The following C16orf78 variants were observed in gnomAD, a reference collection of about 807,000 sequenced individuals.
C16orf78 encodes chromosome 16 open reading frame 78, also known as uncharacterized protein C16orf78.
C16orf78 carries 19 observed loss-of-function variants against 27.3 expected under a neutral mutation model. The ratio of observed to expected loss-of-function variants is 0.70; its 90% confidence interval spans 0.49 to 1.02. C16orf78 has a LOEUF of 1.02. C16orf78 is among the 50% of genes least tolerant of loss of function. The pLI, the probability that C16orf78 is intolerant of heterozygous loss-of-function variation, is 0.00. For missense variants in C16orf78, 339 were observed against 337.0 expected, an observed-to-expected ratio of 1.01 and a Z score of -0.05; for synonymous variants, 130 against 116.1, an observed-to-expected ratio of 1.12 and a Z score of -0.77.
chr16:49,392,234 AAGAGT>A (rs1965421520), intron 3 of C16orf78, among the ~76,000 whole-genome samples: 1 of 152,248 alleles, frequency 6.6e-6, no homozygotes, highest in African/African-American at 2.4e-5. Flanking sequence ...ATGCATTACT[AAGAGT>A]AAAGACCCCC....
intron 1 of C16orf78, among the ~76,000 whole-genome samples, chr16:49,377,297 G>A (rs141617979): frequency 1.9e-4 from 29 of 152,308 alleles, no homozygotes; most frequent in African/African-American, 6.5e-4. Context: ...GGGAGAGGCC[G>A]GGGTGAGCAA....
At chr16:49,380,240 G>A (rs1274731173) in intron 3 of C16orf78, among the ~76,000 whole-genome samples, 4 of 152,102 alleles carry the variant, frequency 2.6e-5, no homozygotes, top group African/African-American at 7.2e-5. Context: ...GCCTACTGTG[G>A]GACCTCACCT....
intron 3 of C16orf78, among the ~76,000 whole-genome samples, chr16:49,383,766 G>A (rs1401155232): frequency 6.6e-6 from 1 of 152,176 alleles, no homozygotes; most frequent in African/African-American, 2.4e-5. Context: ...GCCAAGGCAA[G>A]GGAATCACTT....
chr16:49,377,931 GCCTGC>G, intron 2 of C16orf78, 81 bp downstream of exon 2: 1 of 1,487,494 alleles, frequency 6.7e-7, no homozygotes, highest in East Asian at 2.5e-5. Flanking sequence ...CCTGCATAAT[GCCTGC>G]CTACTTTCTA....
intron 3 of C16orf78, among the ~76,000 whole-genome samples, chr16:49,385,427 C>T (rs1357499360): frequency 6.6e-6 from 1 of 152,130 alleles, no homozygotes; most frequent in African/African-American, 2.4e-5. Flanking sequence ...AATCCCAACA[C>T]TTTGGGAGGC....
intron 3 of C16orf78, among the ~76,000 whole-genome samples, chr16:49,383,883 G>C (rs184455372): frequency 6.6e-6 from 1 of 152,060 alleles, no homozygotes; most frequent in Non-Finnish European, 1.5e-5. Flanking sequence ...AATTAATAAA[G>C]CTCCAATAAC....
rs566481705 is a variant in C16orf78, at chr16:49,395,896, C to T, written c.395-527C>T. Among the ~76,000 whole-genome samples, 8 of 151,812 alleles carry T rather than the reference C, an allele frequency of 5.3e-5. No individual in the cohort carries two copies. In the East Asian group the frequency reaches 1.2e-3, roughly 22 times the overall value. On this transcript the variant is annotated intron_variant, in intron 3 of 4. Coordinates refer to ENST00000299191, the MANE Select transcript of C16orf78 (RefSeq NM_144602.4). ...GGGGAAGGAGGGAAAGGAAGGGAGT[C>T]GGAACAGGGCAGGGAGAAAGGAGGG...
chr16:49,399,266 C>T lies in C16orf78; in HGVS notation c.786C>T (p.Ser262=). Residue 262 remains serine, a synonymous_variant, in exon 5 of 5, where the codon AGC becomes AGT. Coordinates refer to ENST00000299191, the MANE Select transcript of C16orf78 (RefSeq NM_144602.4). ...AAAAGGTGTTCACCGGAATACCCAG[C>T]ATGGCCCTCTAAATAGCTCCTCTCG... ...DAKKVFTGIP[S]MAL is the part of the protein sequence containing the mutation. The T allele has an allele frequency of 9.3e-6, 15 of 1,614,128 alleles. No homozygotes were observed. Among genetic ancestry groups the T allele is most frequent in the Non-Finnish European group, 1.3e-5 (15 of 1,179,998 alleles).
chr16:49,397,798 C>G (rs1965492278), intron 4 of C16orf78, among the ~76,000 whole-genome samples: 1 of 152,226 alleles, frequency 6.6e-6, no homozygotes, highest in Middle Eastern at 3.2e-3. Context: ...GACAGCCTCT[C>G]TCTGTCGCCC....
chr16:49,394,584 G>A (rs1210331607), intron 3 of C16orf78, among the ~76,000 whole-genome samples: 1 of 151,780 alleles, frequency 6.6e-6, no homozygotes, highest in Non-Finnish European at 1.5e-5. Flanking sequence ...TCCCAAATAG[G>A]GGCAAATATC....
chr16:49,381,741 A>G (rs1201580057), intron 3 of C16orf78, among the ~76,000 whole-genome samples: 4 of 151,100 alleles, frequency 2.6e-5, no homozygotes, highest in African/African-American at 7.3e-5. Context: ...TTAGAATGGC[A>G]ATCATTAAAA....
intron 3 of C16orf78, among the ~76,000 whole-genome samples, chr16:49,384,346 CAAAA>C (rs771147270): frequency 1.6e-4 from 8 of 50,990 alleles, no homozygotes; most frequent in Non-Finnish European, 2.0e-4. Flanking sequence ...AAAACTCCAT[CAAAA>C]AAAAAAAAAA....
intron 1 of C16orf78, among the ~76,000 whole-genome samples, chr16:49,375,073 G>A (rs867208581): frequency 6.6e-6 from 1 of 152,116 alleles, no homozygotes. Context: ...AGGCTACCAG[G>A]GAGGCACCAT....
At chr16:49,390,836 G>A (rs1456068378) in intron 3 of C16orf78, among the ~76,000 whole-genome samples, 1 of 152,146 alleles carries the variant, frequency 6.6e-6, no homozygotes, top group Non-Finnish European at 1.5e-5. Flanking sequence ...GGACTGCTAG[G>A]CTCTGCCTTT....
chr16:49,377,144 A>G (rs1965229617), intron 1 of C16orf78, among the ~76,000 whole-genome samples: 1 of 152,190 alleles, frequency 6.6e-6, no homozygotes, highest in African/African-American at 2.4e-5. Flanking sequence ...TGTGCCATGC[A>G]CAGGGAACTC....
intron 1 of C16orf78, 98 bp downstream of exon 1, chr16:49,374,187 G>T (rs1965188847): frequency 6.8e-7 from 1 of 1,471,618 alleles, no homozygotes. Context: ...CAAAAGGCGG[G>T]ATGGTTTTGA....
chr16:49,381,249 T>C (rs1234027562), intron 3 of C16orf78, among the ~76,000 whole-genome samples: 1 of 152,242 alleles, frequency 6.6e-6, no homozygotes, highest in African/African-American at 2.4e-5. Flanking sequence ...ACAATATTGA[T>C]TCTTCCTACC....
intron 3 of C16orf78, 93 bp from the exon 4 acceptor site, chr16:49,396,330 C>G (rs532714609): frequency 7.1e-7 from 1 of 1,404,684 alleles, no homozygotes; most frequent in Non-Finnish European, 9.9e-7. Flanking sequence ...GTTTGAAGTC[C>G]ATGCATTCCT....
At chr16:49,396,388 G>C (rs375303981) in intron 3 of C16orf78, 35 bp from the exon 4 acceptor site, 1 of 1,608,654 alleles carries the variant, frequency 6.2e-7, no homozygotes, top group Non-Finnish European at 8.5e-7. Flanking sequence ...CGTCTCCCAC[G>C]GTCTAACTCT....
Sources: allele counts gnomAD v4.1 joint callset (sites outside exome capture counted in the v4.1 genomes callset), GRCh38; gene constraint gnomAD v4.1.1; transcripts MANE v1.5; gene names NCBI Gene and HGNC (gene_info 2026-07-23, HGNC 2026-07-21).